Variants in TXNDC12 observed in about 807,000 individuals in gnomAD.
TXNDC12 encodes the protein thioredoxin domain containing 12.
A neutral mutation model predicts 24.2 loss-of-function variants in TXNDC12; 22 were observed. The ratio of observed to expected loss-of-function variants is 0.91; its 90% CI spans 0.65 to 1.30. The LOEUF is 1.30. Among genes scored for constraint, TXNDC12 ranks in the 50% most tolerant of loss-of-function variants. The probability of loss-of-function intolerance (pLI) is 0.00; values close to 1 mark genes in which losing one functional copy is unlikely to be tolerated. For synonymous variants in TXNDC12, 58 were observed against 73.4 expected, an observed-to-expected ratio of 0.79 and a Z score of 1.07; for missense variants, 184 against 205.8, an observed-to-expected ratio of 0.89 and a Z score of 0.65.
At chr1:52,028,654 A>C (rs756651391) in intron 2 of TXNDC12, 24 bp from the exon 3 acceptor site, 1 of 1,552,694 alleles carries the variant, frequency 6.4e-7, no homozygotes, top group South Asian at 1.1e-5. Context: ...CAAAGAAATT[A>C]TAATCTAGTA....
At chr1:52,055,264 C>T (rs1686317296), upstream of TXNDC12, 2 of 597,058 alleles carry the variant, frequency 3.3e-6, no homozygotes, top group Admixed American at 2.9e-5. Flanking sequence ...GTGGTGCCTC[C>T]GGGGTCCGGT....
chr1:52,031,707 T>C (rs911230766), intron 2 of TXNDC12, among the ~76,000 whole-genome samples: 9 of 152,040 alleles, frequency 5.9e-5, no homozygotes, highest in Admixed American at 2.0e-4. Flanking sequence ...GCCAGGCTGG[T>C]CTCGAACTCC....
chr1:52,032,880 G>A, intron 2 of TXNDC12: 4 of 1,614,004 alleles, frequency 2.5e-6, no homozygotes, highest in East Asian at 2.2e-5. Flanking sequence ...GCAAGTCCCC[G>A]GGGACAGCGC....
chr1:52,020,710 G>A lies in TXNDC12; in HGVS notation c.*223C>T. 2.0e-6 allele frequency: 1 copy of A among 495,614 alleles called. No homozygotes were observed. The highest frequency in any genetic ancestry group is 3.6e-6 in the Non-Finnish European group (1 of 280,770). 30.7% of individuals were successfully genotyped at this position (495,614 alleles called of 1,614,324 possible). The stretch of plus-strand genomic sequence containing the variant: ...CAATGACAAGTTGACATTTAGGTGA[G>A]AGGGAAAAGGAGAAGAAAGTCTGCC... On this transcript the variant is annotated 3_prime_UTR_variant, in exon 7 of 7. Coordinates refer to ENST00000371626, the MANE Select transcript of TXNDC12 (RefSeq NM_015913.4).
chr1:52,024,583 T>C lies in TXNDC12; in HGVS notation c.286-4A>G. The C allele has an allele frequency of 6.2e-7, 1 of 1,605,194 alleles. No homozygotes were observed. The highest frequency in any genetic ancestry group is 8.5e-7 in the Non-Finnish European group (1 of 1,174,386). On this transcript the variant is annotated splice_region_variant and splice_polypyrimidine_tract_variant and intron_variant, in intron 4 of 6. Transcript: ENST00000371626. ...CATCTTTGGGTTCCTCTTCATCCTATTAAGATTAAATGTAAACCTTAAGTC... is the reference window on the plus strand; with the variant it reads ...CATCTTTGGGTTCCTCTTCATCCTACTAAGATTAAATGTAAACCTTAAGTC...
chr1:52,044,777 C>G (rs561361265), intron 1 of TXNDC12, among the ~76,000 whole-genome samples: 2 of 152,180 alleles, frequency 1.3e-5, no homozygotes, highest in African/African-American at 2.4e-5. Flanking sequence ...AGTTCGAGAC[C>G]ATCCTGGGCA....
At chr1:52,040,738 C>T (rs943429862) in intron 2 of TXNDC12, among the ~76,000 whole-genome samples, 6 of 152,072 alleles carry the variant, frequency 3.9e-5, no homozygotes, top group Non-Finnish European at 8.8e-5. Context: ...CAGTTCAAAC[C>T]CATGTTGTTT....
intron 2 of TXNDC12, chr1:52,032,422 G>A (rs1685778821): frequency 8.4e-7 from 1 of 1,196,100 alleles, no homozygotes. Context: ...AGCCCAAGTA[G>A]GATCCAATCT....
intron 2 of TXNDC12, 36 bp from the exon 3 acceptor site, chr1:52,028,666 T>C: frequency 6.8e-7 from 1 of 1,474,618 alleles, no homozygotes; most frequent in Non-Finnish European, 9.4e-7. Flanking sequence ...AATCTAGTAA[T>C]TCTACTTCTT....
intron 1 of TXNDC12, among the ~76,000 whole-genome samples, chr1:52,047,128 C>A (rs930777298): frequency 2.0e-5 from 3 of 151,922 alleles, no homozygotes; most frequent in African/African-American, 7.3e-5. Context: ...GGTAATACAA[C>A]ATTAGAAGGG....
intron 1 of TXNDC12, among the ~76,000 whole-genome samples, chr1:52,045,770 C>G (rs1686079841): frequency 6.6e-6 from 1 of 152,150 alleles, no homozygotes. Flanking sequence ...AACAAACTAT[C>G]TTTCAAAAGT....
rs189238261 is a variant in TXNDC12 at position 52,040,347 on chromosome 1, C to T, written c.158+1190G>A. Among the ~76,000 whole-genome samples, 393 of 152,122 alleles carry T rather than the reference C, an allele frequency of 2.6e-3. 2 individuals are homozygous for T. Among genetic ancestry groups the T allele is most frequent in the Admixed American group, 5.0e-3 (76 of 15,254 alleles). On this transcript the variant is annotated intron_variant, in intron 2 of 6. Transcript: ENST00000371626. ...CAATTGATCCTCCCACCTCAGCCCC[C>T]TCAAGTAACTGGTATTTTTTGTAGA...
At chr1:52,031,791 T>G (rs1685766205) in intron 2 of TXNDC12, among the ~76,000 whole-genome samples, 1 of 152,170 alleles carries the variant, frequency 6.6e-6, no homozygotes, top group Non-Finnish European at 1.5e-5. Flanking sequence ...TCACCACATA[T>G]CTCAAGAGCA....
At chr1:52,021,370 C>T (rs1685593954) in intron 6 of TXNDC12, among the ~76,000 whole-genome samples, 1 of 151,886 alleles carries the variant, frequency 6.6e-6, no homozygotes, top group South Asian at 2.1e-4. Context: ...TTCACTTCAC[C>T]CCCAGGGAAG....
chr1:52,032,943 C>A lies in TXNDC12; in HGVS notation c.159-4313G>T, dbSNP rs774872195. ...GTACTTGACTCGTGACCTGGTCCAA[C>A]TGGTGCAGAAAGCTGCCGGAGGCGA... On this transcript the variant is annotated intron_variant, in intron 2 of 6. Transcript: ENST00000371626. 50 of 1,597,944 alleles carry A rather than the reference C, an allele frequency of 3.1e-5. No homozygotes were observed. The highest frequency in any genetic ancestry group is 2.0e-4 in the African/African-American group (15 of 74,288).
rs777955115 is a variant in TXNDC12 at position 52,024,564 on chromosome 1, T to G, written c.301A>C (p.Lys101Gln). Residue 101 changes from lysine to glutamine, a missense_variant, in exon 5 of 7, where the codon AAA (lysine) becomes CAA (glutamine). Lys to Gln is a moderately conservative substitution (Grantham distance 53). Transcript: ENST00000371626. The stretch of plus-strand genomic sequence containing the variant: ...CCGTCAGGGCTGAAATCTTCATCTT[T>G]GGGTTCCTCTTCATCCTATTAAGAT... ...MVNLEDEEEP[K>Q]DEDFSPDGGY... 3 of 1,611,498 alleles carry G rather than the reference T, an allele frequency of 1.9e-6. No individual in the cohort carries two copies. Among genetic ancestry groups the G allele is most frequent in the Non-Finnish European group, 2.5e-6 (3 of 1,178,482 alleles).
At chr1:52,032,662 A>ATC (rs1358785417) in intron 2 of TXNDC12, 21 of 1,553,092 alleles carry the variant, frequency 1.4e-5, no homozygotes, top group South Asian at 8.7e-5. Flanking sequence ...TGGAGTGGAG[A>ATC]TCAGAAGCCA....
At chr1:52,033,346 T>G (rs756744848) in intron 2 of TXNDC12, 1 of 1,613,760 alleles carries the variant, frequency 6.2e-7, no homozygotes, top group Non-Finnish European at 8.5e-7. Flanking sequence ...CCCGTCCTCC[T>G]CAGCGCGTGG....
chr1:52,048,752 G>A (rs935198461), intron 1 of TXNDC12, among the ~76,000 whole-genome samples: 3 of 152,068 alleles, frequency 2.0e-5, no homozygotes, highest in Non-Finnish European at 4.4e-5. Context: ...AGCTATCTGG[G>A]AGGCTGAGGT....
Sources: gnomAD v4.1 joint callset for allele counts (sites outside exome capture counted in the v4.1 genomes callset) on GRCh38, gnomAD v4.1.1 for gene constraint, MANE v1.5 for transcripts, NCBI Gene and HGNC (gene_info 2026-07-23, HGNC 2026-07-21) for gene names.